CDH10: variants seen among roughly 807,000 people sequenced by gnomAD.
CDH10 encodes cadherin 10, also known as cadherin-10.
CDH10 carries 30 observed loss-of-function variants against 73.1 expected under a neutral mutation model. That is an observed-to-expected ratio of 0.41 (90% CI 0.31 to 0.56). The LOEUF (loss-of-function observed/expected upper bound fraction) is 0.56. Among genes scored for constraint, CDH10 ranks in the 20% least tolerant of loss-of-function variants. CDH10 has a pLI of 0.27. For missense variants in CDH10, 815 were observed against 973.7 expected (o/e 0.84, Z 2.17); for synonymous variants, 345 against 348.2 (o/e 0.99, Z 0.10).
At chr5:24,578,559 T>C (rs1745681099) in intron 2 of CDH10, 2 of 253,908 alleles carry the variant, frequency 7.9e-6, no homozygotes, top group South Asian at 1.2e-4. Flanking sequence ...TCTGCAAATA[T>C]ATATGCATTA....
At chr5:24,607,668 T>A (rs1314609706) in intron 1 of CDH10, among the ~76,000 whole-genome samples, 2 of 152,156 alleles carry the variant, frequency 1.3e-5, no homozygotes, top group Non-Finnish European at 2.9e-5. Context: ...ACTTTTAAAA[T>A]TCTATCTGAA....
chr5:24,497,581 G>A (rs1742338884), intron 9 of CDH10, among the ~76,000 whole-genome samples: 1 of 152,222 alleles, frequency 6.6e-6, no homozygotes, highest in Admixed American at 6.5e-5. Flanking sequence ...AATATAATTT[G>A]CATAAAAATG....
chr5:24,511,349 T>C lies in CDH10; in HGVS notation c.980A>G (p.Glu327Gly), dbSNP rs370452937. ...FDIVTEKDTQ[E>G]GIITVKKPLD... ...CACCTTTTTCACAGTGATGATGCCT[T>C]CCTGTGTGTCCTTCTCAGTCACGAT... The change falls in exon 6 of 12, where the codon GAA becomes GGA. Residue 327 changes from glutamate (E) to glycine (G), a missense_variant. Physicochemically the swap from Glu to Gly is moderately conservative, Grantham distance 98. This residue lies in a region of CDH10 where 516 missense variants were observed against 636.6 expected (regional missense o/e 0.81). Coordinates refer to ENST00000264463, the MANE Select transcript of CDH10 (RefSeq NM_006727.5). 9 of 1,610,578 alleles carry C rather than the reference T, an allele frequency of 5.6e-6. No homozygotes were observed. Among genetic ancestry groups the C allele is most frequent in the African/African-American group, 2.7e-5 (2 of 74,848 alleles).
chr5:24,513,435 T>C (rs1335712982), intron 5 of CDH10, among the ~76,000 whole-genome samples: 1 of 152,156 alleles, frequency 6.6e-6, no homozygotes, highest in African/African-American at 2.4e-5. Flanking sequence ...TGACTGTTTG[T>C]TGGGCTATGC....
chr5:24,604,797 C>T (rs554045859), intron 1 of CDH10, among the ~76,000 whole-genome samples: 8 of 146,560 alleles, frequency 5.5e-5, no homozygotes, highest in Admixed American at 1.4e-4. Context: ...CGTTTGAAGC[C>T]GGGAGGCGGA....
At chr5:24,500,360 A>C (rs899105065) in intron 8 of CDH10, among the ~76,000 whole-genome samples, 2 of 152,242 alleles carry the variant, frequency 1.3e-5, no homozygotes, top group African/African-American at 2.4e-5. Context: ...CACTTTTTGC[A>C]AGAGAAAATT....
chr5:24,633,257 C>T (rs1248896351), intron 1 of CDH10, among the ~76,000 whole-genome samples: 2 of 151,594 alleles, frequency 1.3e-5, no homozygotes, highest in Non-Finnish European at 3.0e-5. Context: ...AGTAAAATTA[C>T]AAGCAGTAAT....
intron 1 of CDH10, among the ~76,000 whole-genome samples, chr5:24,642,068 G>T (rs1332577945): frequency 1.3e-5 from 2 of 152,018 alleles, no homozygotes; most frequent in African/African-American, 4.8e-5. Flanking sequence ...ATACCCAAGG[G>T]CTACACTAGA....
chr5:24,506,112 CAAAAAAAAA>C, intron 7 of CDH10, among the ~76,000 whole-genome samples: 1 of 81,954 alleles, frequency 1.2e-5, no homozygotes, highest in Middle Eastern at 0.01. Flanking sequence ...AAGACTCCGT[CAAAAAAAAA>C]AAAAAAAAGG....
At chr5:24,497,704 A>G (rs2111678388) in intron 9 of CDH10, among the ~76,000 whole-genome samples, 1 of 152,316 alleles carries the variant, frequency 6.6e-6, no homozygotes, top group East Asian at 1.9e-4. Context: ...TATTATTTAT[A>G]CCACGCAGCT....
At chr5:24,500,524 C>T (rs1742454467) in intron 8 of CDH10, among the ~76,000 whole-genome samples, 1 of 152,136 alleles carries the variant, frequency 6.6e-6, no homozygotes, top group Admixed American at 6.5e-5. Flanking sequence ...GCGTTCAGGC[C>T]CTGGGGTCTA....
At position 24,511,545 on chromosome 5, in the gene CDH10, C is replaced by CAGAGACAGAG. The variant is rs374439665; in HGVS notation, c.815-32_815-31insCTCTGTCTCT. 1.6e-5 allele frequency: 9 copies of CAGAGACAGAG among 576,388 alleles called. No individual in the cohort carries two copies. The African/African-American group carries it at 1.7e-4, about 11-fold the overall frequency. 35.7% of individuals were successfully genotyped at this position (576,388 alleles called of 1,614,324 possible). On this transcript the variant is annotated intron_variant, in intron 5 of 11. Coordinates refer to ENST00000264463, the MANE Select transcript of CDH10 (RefSeq NM_006727.5). ...AAGTATAAAGAAAAGAAGAGAGAGA[C>CAGAGACAGAG]AGAGAGAGAGAGAGAGAGAGAGAGA...
chr5:24,501,392 T>C (rs1742489488), intron 8 of CDH10, among the ~76,000 whole-genome samples: 1 of 147,438 alleles, frequency 6.8e-6, no homozygotes, highest in African/African-American at 2.5e-5. Context: ...CAAAAAACAG[T>C]GCTTACACTA....
intron 1 of CDH10, among the ~76,000 whole-genome samples, chr5:24,621,289 C>T (rs1434802005): frequency 6.6e-6 from 1 of 152,154 alleles, no homozygotes; most frequent in Admixed American, 6.6e-5. Context: ...CCCACAGAAT[C>T]CCCATATCCA....
intron 2 of CDH10, among the ~76,000 whole-genome samples, chr5:24,557,464 C>T (rs994052297): frequency 1.3e-5 from 2 of 151,604 alleles, no homozygotes; most frequent in Admixed American, 6.6e-5. Context: ...AAACTCAATA[C>T]ATTTACATAT....
intron 1 of CDH10, among the ~76,000 whole-genome samples, chr5:24,603,478 T>C (rs748327487): frequency 1.8e-4 from 28 of 152,278 alleles, no homozygotes; most frequent in Non-Finnish European, 4.1e-4. Context: ...GTAAAACATA[T>C]AATACATCAT....
chr5:24,541,325 A>G (rs1461097424), intron 2 of CDH10, among the ~76,000 whole-genome samples: 1 of 151,772 alleles, frequency 6.6e-6, no homozygotes, highest in East Asian at 1.9e-4. Flanking sequence ...ATTTTTCAAC[A>G]GTTGTTCTGG....
At chr5:24,574,118 C>T (rs1393595897) in intron 2 of CDH10, among the ~76,000 whole-genome samples, 1 of 151,934 alleles carries the variant, frequency 6.6e-6, no homozygotes, top group Non-Finnish European at 1.5e-5. Context: ...ATCTCCTGAC[C>T]TCGTGATCCG....
At chr5:24,598,628 A>G (rs1445724311) in intron 1 of CDH10, among the ~76,000 whole-genome samples, 1 of 152,050 alleles carries the variant, frequency 6.6e-6, no homozygotes, top group Non-Finnish European at 1.5e-5. Flanking sequence ...CCAAAAAGGC[A>G]ATCAATATAT....
Sources: gnomAD v4.1 joint callset for allele counts (sites outside exome capture counted in the v4.1 genomes callset) on GRCh38, gnomAD v4.1.1 for gene constraint, gnomAD v4.1.1 regional missense constraint, MANE v1.5 for transcripts, NCBI Gene and HGNC (gene_info 2026-07-23, HGNC 2026-07-21) for gene names.